The following ADAM7 variants were observed in gnomAD, a reference collection of about 807,000 sequenced individuals.
ADAM7 encodes the protein disintegrin and metalloproteinase domain-containing protein 7.
In ADAM7, 97 loss-of-function variants were observed where a neutral mutation model predicts 102.9. The observed-to-expected ratio is 0.94, with a 90% CI of 0.80 to 1.12. ADAM7 has a LOEUF of 1.12. ADAM7 is among the 50% of genes most tolerant of loss of function. The probability of loss-of-function intolerance (pLI) is 0.00; values close to 1 mark genes in which losing one functional copy is unlikely to be tolerated. For missense variants in ADAM7, 991 were observed against 908.7 expected (o/e 1.09, Z -1.16); for synonymous variants, 334 against 304.4 (o/e 1.10, Z -1.01).
At chr8:24,455,162 A>G (rs1818983135) in intron 3 of ADAM7, among the ~76,000 whole-genome samples, 1 of 152,138 alleles carries the variant, frequency 6.6e-6, no homozygotes. Context: ...ATTTTAACAC[A>G]CAGAGCAGAA....
In ADAM7 at chr8:24,492,602, G is replaced by T. The variant is rs766834404; in HGVS notation, c.1655+5G>T. 23 of 1,605,786 alleles carry T rather than the reference G, an allele frequency of 1.4e-5. No individual in the cohort carries two copies. The South Asian group carries it at 2.6e-4, about 18-fold the overall frequency. On this transcript the variant is annotated splice_donor_5th_base_variant and intron_variant, in intron 15 of 21. Coordinates refer to ENST00000175238, the MANE Select transcript of ADAM7 (RefSeq NM_003817.4). ...ATTTCTTCCCTGTGAGGAGAAGTAA[G>T]TGCCCTGTGGAAAAAAAGTAATTTG... is the stretch of plus-strand genomic sequence containing the variant.
rs1376722502 is a variant in ADAM7, at chr8:24,489,279, T to G, written c.1212T>G (p.Phe404Leu). Residue 404 changes from phenylalanine (F) to leucine (L), a missense_variant, in exon 12 of 22, where the codon TTT (phenylalanine) becomes TTG (leucine). Transcript: ENST00000175238. ...PFPYNFHDFQFCGNKKLDEGE... is the reference protein window; with the variant it reads ...PFPYNFHDFQLCGNKKLDEGE... ...CTTACAATTTTCATGATTTCCAATT[T>G]TGTGGAAACAAGAAGTTGGATGAGG... is the stretch of plus-strand genomic sequence containing the variant. 3 of 1,613,532 alleles carry G rather than the reference T, an allele frequency of 1.9e-6. No individual in the cohort carries two copies. The highest frequency in any genetic ancestry group is 2.5e-6 in the Non-Finnish European group (3 of 1,179,722).
intron 21 of ADAM7, among the ~76,000 whole-genome samples, chr8:24,507,957 A>G (rs778063378): frequency 2.0e-5 from 3 of 152,166 alleles, no homozygotes; most frequent in Non-Finnish European, 4.4e-5. Context: ...TTTTTCACTT[A>G]TCAAATCAAT....
intron 4 of ADAM7, among the ~76,000 whole-genome samples, chr8:24,464,764 C>A (rs1372126497): frequency 2.0e-5 from 3 of 147,474 alleles, no homozygotes; most frequent in Non-Finnish European, 4.5e-5. Context: ...CCGTGCCCAG[C>A]TAATTTTTGT....
chr8:24,508,520 A>G (rs1459261764), intron 21 of ADAM7, 26 bp from the exon 22 acceptor site: 2 of 1,610,220 alleles, frequency 1.2e-6, no homozygotes, highest in Non-Finnish European at 1.7e-6. Context: ...GAAACAATCT[A>G]TTTTTAACCA....
chr8:24,464,820 C>T lies in ADAM7; in HGVS notation c.312+860C>T, dbSNP rs574265971. On this transcript the variant is annotated intron_variant, in intron 4 of 21. Coordinates refer to ENST00000175238, the MANE Select transcript of ADAM7 (RefSeq NM_003817.4). ...TTCACCATGTTGGCCAGGATGGTCTCGATCTCTCCAGGCTGGAGCGCAGCG... is the reference window on the plus strand; with the variant it reads ...TTCACCATGTTGGCCAGGATGGTCTTGATCTCTCCAGGCTGGAGCGCAGCG... 7.3e-4 allele frequency among the ~76,000 whole-genome samples: 90 copies of T among 122,614 alleles called. 7 individuals are homozygous for T. Among genetic ancestry groups the T allele is most frequent in the Non-Finnish European group, 1.2e-4 (7 of 56,252 alleles). The allele number at this position is 122,614 out of a possible 152,430, so 80.4% of individuals were successfully genotyped here.
intron 6 of ADAM7, among the ~76,000 whole-genome samples, chr8:24,468,220 T>C (rs1819493333): frequency 6.6e-6 from 1 of 152,052 alleles, no homozygotes; most frequent in Non-Finnish European, 1.5e-5. Flanking sequence ...GTCCACACTA[T>C]GTTTTAACTC....
At chr8:24,492,445 C>A in intron 14 of ADAM7, 50 bp from the exon 15 acceptor site, 2 of 1,297,002 alleles carry the variant, frequency 1.5e-6, no homozygotes, top group African/African-American at 1.5e-5. Flanking sequence ...TTTTATGATT[C>A]ATGATAGTCA....
At chr8:24,485,231 A>T in intron 9 of ADAM7, 46 bp from the exon 10 acceptor site, 1 of 1,531,516 alleles carries the variant, frequency 6.5e-7, no homozygotes, top group Non-Finnish European at 9.0e-7. Flanking sequence ...TGTGTTAATT[A>T]AACTACTAAC....
intron 7 of ADAM7, 123 bp from the exon 8 acceptor site, chr8:24,476,310 G>A (rs1367663495): frequency 3.0e-6 from 2 of 659,044 alleles, no homozygotes; most frequent in Non-Finnish European, 4.9e-6. Context: ...AATGAAAGGA[G>A]TTCTCTTTCT....
intron 11 of ADAM7, among the ~76,000 whole-genome samples, chr8:24,488,472 G>GCAT (rs1820222144): frequency 6.6e-6 from 1 of 152,058 alleles, no homozygotes; most frequent in African/African-American, 2.4e-5. Context: ...GTGATGGCTG[G>GCAT]CACAGAATAA....
At chr8:24,503,863 C>A (rs1302609753) in intron 20 of ADAM7, among the ~76,000 whole-genome samples, 1 of 151,880 alleles carries the variant, frequency 6.6e-6, no homozygotes, top group African/African-American at 2.4e-5. Context: ...ACATCACACA[C>A]TGAGGCCTGT....
At chr8:24,505,445 G>A (rs1820918773) in intron 20 of ADAM7, among the ~76,000 whole-genome samples, 1 of 152,016 alleles carries the variant, frequency 6.6e-6, no homozygotes, top group Admixed American at 6.6e-5. Context: ...TAGGAGAGTT[G>A]GATCCTCAAA....
chr8:24,459,969 G>T (rs572989016), intron 3 of ADAM7, among the ~76,000 whole-genome samples: 84 of 151,684 alleles, frequency 5.5e-4, no homozygotes, highest in African/African-American at 1.7e-3. Context: ...CAAAAGTCTT[G>T]ATTTTTTTTA....
intron 3 of ADAM7, among the ~76,000 whole-genome samples, chr8:24,461,257 G>C (rs1031015009): frequency 6.6e-6 from 1 of 152,040 alleles, no homozygotes; most frequent in Non-Finnish European, 1.5e-5. Context: ...CTCCCAAAGT[G>C]TTCGGATTAC....
chr8:24,500,330 G>C, intron 18 of ADAM7, 74 bp downstream of exon 18: 1 of 1,354,138 alleles, frequency 7.4e-7, no homozygotes, highest in South Asian at 1.2e-5. Flanking sequence ...TATTTTTCAA[G>C]TCTGCTACTT....
At position 24,453,980 on chromosome 8, in the gene ADAM7, C is replaced by T. The variant is rs187175343; in HGVS notation, c.233+6718C>T. On this transcript the variant is annotated intron_variant, in intron 3 of 21. Transcript: ENST00000175238. ...CAGAACAGCGGACTTTTGTGAACCG[C>T]GAATGCTGCTGTCTGATCATTCCTC... is the stretch of plus-strand genomic sequence containing the variant. Among the ~76,000 whole-genome samples, 83 of 152,290 alleles carry T rather than the reference C, an allele frequency of 5.5e-4. 1 individual carries two copies. Among genetic ancestry groups the T allele is most frequent in the African/African-American group, 1.6e-3 (67 of 41,562 alleles).
chr8:24,473,811 A>T (rs1287060419), intron 7 of ADAM7, among the ~76,000 whole-genome samples: 1 of 152,200 alleles, frequency 6.6e-6, no homozygotes, highest in East Asian at 1.9e-4. Flanking sequence ...TTCCTCCGGT[A>T]ATGTGAATAT....
At chr8:24,458,359 A>G (rs1398704380) in intron 3 of ADAM7, among the ~76,000 whole-genome samples, 3 of 152,162 alleles carry the variant, frequency 2.0e-5, no homozygotes, top group East Asian at 1.9e-4. Context: ...AAAGTTTTCA[A>G]TGTGGAGCTC....
Sources: allele counts gnomAD v4.1 joint callset (sites outside exome capture counted in the v4.1 genomes callset), GRCh38; gene constraint gnomAD v4.1.1; transcripts MANE v1.5; gene names NCBI Gene and HGNC (gene_info 2026-07-23, HGNC 2026-07-21).